The following CALCR variants were observed in gnomAD, a reference collection of about 807,000 sequenced individuals.
CALCR encodes the protein calcitonin receptor.
Under a neutral mutation model 59.5 loss-of-function variants are expected in CALCR, and 47 were observed. The observed-to-expected ratio is 0.79, with a 90% CI of 0.63 to 1.01. CALCR has a LOEUF of 1.01. Ranked by LOEUF, CALCR falls within the 50% of genes least tolerant of loss-of-function variation. The pLI, the probability that CALCR is intolerant of heterozygous loss-of-function variation, is 0.00. For missense variants in CALCR, 566 were observed against 597.1 expected (o/e 0.95, Z 0.54); for synonymous variants, 213 against 211.3 (o/e 1.01, Z -0.07).
intron 2 of CALCR, among the ~76,000 whole-genome samples, chr7:93,493,611 T>C (rs1029623286): frequency 6.6e-6 from 1 of 151,450 alleles, no homozygotes; most frequent in African/African-American, 2.4e-5. Context: ...ATGAGTGCAA[T>C]TTTACTCTTC....
At chr7:93,561,455 T>A (rs1274680165) in intron 2 of CALCR, among the ~76,000 whole-genome samples, 2 of 152,140 alleles carry the variant, frequency 1.3e-5, no homozygotes, top group Non-Finnish European at 2.9e-5. Flanking sequence ...GCCCAGATTT[T>A]AAAATTTTCC....
At chr7:93,433,557 C>T (rs1799703599) in intron 13 of CALCR, among the ~76,000 whole-genome samples, 1 of 152,248 alleles carries the variant, frequency 6.6e-6, no homozygotes, top group East Asian at 1.9e-4. Context: ...GATTTCTTCC[C>T]TGAAAAATGA....
chr7:93,570,001 G>A (rs1366250374), intron 2 of CALCR, among the ~76,000 whole-genome samples: 1 of 151,514 alleles, frequency 6.6e-6, no homozygotes, highest in East Asian at 1.9e-4. Context: ...TATAGACTGA[G>A]GTTGACATGC....
At chr7:93,461,002 G>A (rs962030057) in intron 7 of CALCR, 55 bp from the exon 8 acceptor site, 1 of 1,432,726 alleles carries the variant, frequency 7.0e-7, no homozygotes, top group Non-Finnish European at 9.4e-7. Flanking sequence ...TGGAGTACCT[G>A]GAAAAAAACA....
intron 2 of CALCR, among the ~76,000 whole-genome samples, chr7:93,562,345 G>A (rs1008825662): frequency 6.6e-6 from 1 of 151,936 alleles, no homozygotes; most frequent in Non-Finnish European, 1.5e-5. Flanking sequence ...AAACATATGC[G>A]TGATTTTCAC....
Position 93,468,787 on chromosome 7 carries a change from T to C in CALCR, c.449A>G (p.Tyr150Cys), listed in dbSNP as rs775662812. The change falls in exon 7 of 14, where the codon TAT (tyrosine) becomes TGT (cysteine). Residue 150 changes from tyrosine to cysteine, a missense_variant. By Grantham distance (194) the Tyr-to-Cys change is radical. Transcript: ENST00000426151. ...EKLKNAYVLYYLAIVGHSLSI... is the reference protein window; with the variant it reads ...EKLKNAYVLYCLAIVGHSLSI... ...CAAAGAATGACCCACAATAGCCAAA[T>C]AGTACAGAACATATGCATTCTGGAA... 2.5e-6 allele frequency: 4 copies of C among 1,608,898 alleles called. No individual in the cohort carries two copies. Among genetic ancestry groups the C allele is most frequent in the East Asian group, 2.2e-5 (1 of 44,706 alleles).
chr7:93,496,267 T>C (rs888899841), intron 2 of CALCR, among the ~76,000 whole-genome samples: 1 of 151,490 alleles, frequency 6.6e-6, no homozygotes, highest in Admixed American at 6.6e-5. Flanking sequence ...AGAGATTTAC[T>C]ATAGACATTA....
chr7:93,426,666 A>G (rs1457472567), intron 13 of CALCR, 77 bp from the exon 14 acceptor site: 2 of 742,526 alleles, frequency 2.7e-6, no homozygotes, highest in Non-Finnish European at 4.5e-6. Context: ...CATCGTTCTT[A>G]GAGCTTATCA....
At chr7:93,496,988 G>A (rs1801217642) in intron 2 of CALCR, among the ~76,000 whole-genome samples, 1 of 151,430 alleles carries the variant, frequency 6.6e-6, no homozygotes, top group Non-Finnish European at 1.5e-5. Context: ...GGCATAATAT[G>A]GCCATAAACC....
chr7:93,567,067 A>G (rs35087214), intron 2 of CALCR, among the ~76,000 whole-genome samples: 13,328 of 152,266 alleles, frequency 0.088, 659 homozygotes, highest in African/African-American at 0.1. Flanking sequence ...CTGTTGGGAA[A>G]CAGTTCTGCA....
chr7:93,544,933 G>A (rs1372204523), intron 2 of CALCR, among the ~76,000 whole-genome samples: 1 of 152,136 alleles, frequency 6.6e-6, no homozygotes, highest in Non-Finnish European at 1.5e-5. Flanking sequence ...AGGCCACTGT[G>A]CAGCTTTCCC....
At chr7:93,435,493 A>G (rs180865358) in intron 12 of CALCR, among the ~76,000 whole-genome samples, 40 of 152,250 alleles carry the variant, frequency 2.6e-4, no homozygotes, top group African/African-American at 8.9e-4. Flanking sequence ...GGCTTATTGA[A>G]TTGGAGGCTT....
chr7:93,527,612 G>C (rs1788698948), intron 2 of CALCR, among the ~76,000 whole-genome samples: 1 of 152,104 alleles, frequency 6.6e-6, no homozygotes. Context: ...AGCCATTTTA[G>C]CAAATAACTG....
At chr7:93,441,149 C>T (rs1329973941) in intron 9 of CALCR, among the ~76,000 whole-genome samples, 1 of 152,110 alleles carries the variant, frequency 6.6e-6, no homozygotes, top group Non-Finnish European at 1.5e-5. Flanking sequence ...TTCCAGGGTG[C>T]CCTTGTCTCT....
At chr7:93,434,541 T>C (rs1799733936) in intron 12 of CALCR, among the ~76,000 whole-genome samples, 1 of 152,114 alleles carries the variant, frequency 6.6e-6, no homozygotes, top group Non-Finnish European at 1.5e-5. Flanking sequence ...AATAATATTT[T>C]GCTCCCTTTA....
intron 9 of CALCR, 106 bp from the exon 10 acceptor site, chr7:93,438,376 G>A: frequency 1.2e-6 from 1 of 821,098 alleles, no homozygotes; most frequent in East Asian, 2.6e-5. Flanking sequence ...GGCAAATTGA[G>A]TGCATCTGTC....
intron 2 of CALCR, among the ~76,000 whole-genome samples, chr7:93,489,506 G>A (rs542133022): frequency 1.3e-5 from 2 of 151,366 alleles, no homozygotes; most frequent in Non-Finnish European, 3.0e-5. Context: ...TTAAAAAATA[G>A]ATAAGCCACT....
intron 2 of CALCR, among the ~76,000 whole-genome samples, chr7:93,549,371 G>A (rs1288657725): frequency 2.0e-5 from 3 of 151,934 alleles, no homozygotes; most frequent in Non-Finnish European, 4.4e-5. Context: ...GGAAGGTAGA[G>A]AGAAAAAAGG....
At chr7:93,569,935 G>GACACAC (rs3068441) in intron 2 of CALCR, among the ~76,000 whole-genome samples, 8,477 of 144,040 alleles carry the variant, frequency 0.059, 317 homozygotes, top group African/African-American at 0.099. Flanking sequence ...GATGTAAAGG[G>GACACAC]ACACACACAC....
Sources: allele counts gnomAD v4.1 joint callset (sites outside exome capture counted in the v4.1 genomes callset), GRCh38; gene constraint gnomAD v4.1.1; transcripts MANE v1.5; gene names NCBI Gene and HGNC (gene_info 2026-07-23, HGNC 2026-07-21).